The following PRKCE variants were observed in gnomAD, a reference collection of about 807,000 sequenced individuals.
PRKCE encodes protein kinase C epsilon type.
In PRKCE, 16 loss-of-function variants were observed where a neutral mutation model predicts 85.4. The ratio of observed to expected loss-of-function variants is 0.19; its 90% CI spans 0.13 to 0.28. The LOEUF is 0.28. Among genes scored for constraint, PRKCE ranks in the 10% least tolerant of loss-of-function variants. The pLI is 1.00. For missense variants in PRKCE, 573 were observed against 975.2 expected (o/e 0.59, Z 5.49); for synonymous variants, 388 against 371.5 (o/e 1.04, Z -0.51).
intron 2 of PRKCE, among the ~76,000 whole-genome samples, chr2:45,958,947 G>A (rs1701198273): frequency 6.8e-6 from 1 of 146,832 alleles, no homozygotes; most frequent in Non-Finnish European, 1.5e-5. Context: ...AAGGTCTTCA[G>A]GCTAGCTATT....
chr2:46,160,750 C>A (rs1196793887), intron 14 of PRKCE, among the ~76,000 whole-genome samples: 1 of 152,204 alleles, frequency 6.6e-6, no homozygotes, highest in Non-Finnish European at 1.5e-5. Flanking sequence ...AAAAGACCTT[C>A]CTGTGCCTTG....
intron 11 of PRKCE, among the ~76,000 whole-genome samples, chr2:46,086,654 TTCTC>T (rs751520656): frequency 6.6e-6 from 1 of 152,172 alleles, no homozygotes; most frequent in Non-Finnish European, 1.5e-5. Flanking sequence ...ACCTTCGTTT[TTCTC>T]TCTCTCCTCC....
chr2:46,164,359 C>A (rs1191718393), intron 14 of PRKCE, among the ~76,000 whole-genome samples: 2 of 152,316 alleles, frequency 1.3e-5, no homozygotes, highest in Admixed American at 1.3e-4. Context: ...TTTAAACAAG[C>A]AAGGAAGGCA....
At chr2:45,898,091 G>A (rs761753142) in intron 2 of PRKCE, among the ~76,000 whole-genome samples, 6 of 152,228 alleles carry the variant, frequency 3.9e-5, no homozygotes, top group African/African-American at 1.4e-4. Context: ...CCTCGTGATA[G>A]AGATGACTGG....
chr2:45,841,713 G>A (rs1016532516), intron 1 of PRKCE, among the ~76,000 whole-genome samples: 1 of 152,244 alleles, frequency 6.6e-6, no homozygotes, highest in Non-Finnish European at 1.5e-5. Context: ...CCATGAGTAA[G>A]ATGTGTCTGG....
At chr2:46,037,178 T>C (rs979092098) in intron 10 of PRKCE, among the ~76,000 whole-genome samples, 1 of 152,232 alleles carries the variant, frequency 6.6e-6, no homozygotes, top group African/African-American at 2.4e-5. Context: ...CATAAGTCTC[T>C]GCGGTCTGCA....
At chr2:45,728,790 C>T (rs757680011) in intron 1 of PRKCE, among the ~76,000 whole-genome samples, 3 of 152,194 alleles carry the variant, frequency 2.0e-5, no homozygotes, top group Non-Finnish European at 2.9e-5. Context: ...CATCATGTCA[C>T]TTATTTTTCA....
intron 11 of PRKCE, among the ~76,000 whole-genome samples, chr2:46,110,418 G>C (rs540503622): frequency 1.3e-5 from 2 of 152,212 alleles, no homozygotes; most frequent in Admixed American, 1.3e-4. Context: ...TGTGAATCTT[G>C]ATAGTTTGTA....
intron 5 of PRKCE, among the ~76,000 whole-genome samples, chr2:45,981,906 C>T (rs769462409): frequency 2.0e-4 from 30 of 152,154 alleles, no homozygotes; most frequent in Non-Finnish European, 4.0e-4. Context: ...AGGGAAAGGT[C>T]CGATAAGAGT....
At chr2:45,681,872 C>G (rs1176484001) in intron 1 of PRKCE, among the ~76,000 whole-genome samples, 1 of 152,166 alleles carries the variant, frequency 6.6e-6, no homozygotes, top group Admixed American at 6.5e-5. Context: ...GTCTGAGTCA[C>G]TCATTTGGCA....
rs191604342 is a variant in PRKCE, at chr2:46,068,326, A to G, written c.1438-17882A>G. Among the ~76,000 whole-genome samples, 14 of 152,330 alleles carry G rather than the reference A, an allele frequency of 9.2e-5. No individual in the cohort carries two copies. In the East Asian group the frequency reaches 2.7e-3, roughly 29 times the overall value. On this transcript the variant is annotated intron_variant, in intron 10 of 14. Coordinates refer to ENST00000306156, the MANE Select transcript of PRKCE (RefSeq NM_005400.3). The surrounding 1 kb of genome is among the most constrained non-coding windows in gnomAD (Gnocchi z 4.3). ...CTGCCCTGGGAAACAAGACAATAAA[A>G]CAGTGTTGAATTAGGTTTTCTAGAG... is the stretch of plus-strand genomic sequence containing the variant.
intron 1 of PRKCE, chr2:45,700,437 G>A (rs1678538022): frequency 6.6e-6 from 1 of 152,152 alleles, no homozygotes; most frequent in Non-Finnish European, 1.5e-5. Flanking sequence ...AGGCCAAGGA[G>A]GACAGGATTG....
At chr2:45,927,924 G>T (rs562699868) in intron 2 of PRKCE, among the ~76,000 whole-genome samples, 6 of 152,116 alleles carry the variant, frequency 3.9e-5, no homozygotes, top group Admixed American at 3.9e-4. Flanking sequence ...CACTCACGGA[G>T]GCAGGAGAGG....
chr2:46,039,086 G>A (rs1205623518), intron 10 of PRKCE, among the ~76,000 whole-genome samples: 1 of 152,150 alleles, frequency 6.6e-6, no homozygotes, highest in Non-Finnish European at 1.5e-5. Flanking sequence ...GCTCAAACTA[G>A]CTGGGCAATT....
chr2:45,933,170 G>C (rs1448640194), intron 2 of PRKCE, among the ~76,000 whole-genome samples: 1 of 152,054 alleles, frequency 6.6e-6, no homozygotes, highest in Admixed American at 6.6e-5. Context: ...CTATTGGGTT[G>C]TCTGCTTTAA....
intron 11 of PRKCE, among the ~76,000 whole-genome samples, chr2:46,108,133 G>C (rs1040272601): frequency 1.5e-4 from 23 of 152,076 alleles, no homozygotes; most frequent in Non-Finnish European, 2.6e-4. Flanking sequence ...TCGCTCTGTT[G>C]CCCAGGCGGG....
At chr2:46,122,503 C>T (rs1441017587) in intron 11 of PRKCE, among the ~76,000 whole-genome samples, 1 of 152,166 alleles carries the variant, frequency 6.6e-6, no homozygotes, top group Non-Finnish European at 1.5e-5. Context: ...GCTGGGATTA[C>T]AGGCATGAGT....
chr2:45,994,426 T>G (rs1030917124), intron 6 of PRKCE, among the ~76,000 whole-genome samples: 1 of 152,214 alleles, frequency 6.6e-6, no homozygotes. Flanking sequence ...CTAAAAATCC[T>G]CTGTGTTCTG....
chr2:46,005,922 A>C (rs1705152385), intron 8 of PRKCE, among the ~76,000 whole-genome samples: 1 of 152,170 alleles, frequency 6.6e-6, no homozygotes, highest in Non-Finnish European at 1.5e-5. Flanking sequence ...TGAGGCTGAG[A>C]TCCCCTTTGG....
Sources: allele counts gnomAD v4.1 joint callset (sites outside exome capture counted in the v4.1 genomes callset), GRCh38; gene constraint gnomAD v4.1.1; non-coding constraint Gnocchi (gnomAD v3.1); transcripts MANE v1.5; gene names NCBI Gene and HGNC (gene_info 2026-07-23, HGNC 2026-07-21).